The following RBFOX1 variants were observed in gnomAD, a reference collection of about 807,000 sequenced individuals.
RBFOX1 encodes the protein RNA binding protein fox-1 homolog 1.
In RBFOX1, 8 loss-of-function variants were observed where a neutral mutation model predicts 57.7. That is an observed-to-expected ratio of 0.14 (90% CI 0.08 to 0.25). The LOEUF (loss-of-function observed/expected upper bound fraction) is 0.25. RBFOX1 is among the 10% of genes least tolerant of loss of function. RBFOX1 has a pLI of 1.00. For synonymous variants in RBFOX1, 326 were observed against 222.4 expected, an observed-to-expected ratio of 1.47 and a Z score of -4.15; for missense variants, 611 against 548.5, an observed-to-expected ratio of 1.11 and a Z score of -1.14.
intron 4 of RBFOX1, among the ~76,000 whole-genome samples, chr16:7,502,075 A>G (rs1374088999): frequency 6.6e-6 from 1 of 151,884 alleles, no homozygotes; most frequent in Non-Finnish European, 1.5e-5. Flanking sequence ...AAGTCCGACT[A>G]TCATTCATTT....
At chr16:6,895,448 G>GTATATATATATATA (rs71147622) in intron 3 of RBFOX1, among the ~76,000 whole-genome samples, 2 of 54,626 alleles carry the variant, frequency 3.7e-5, no homozygotes, top group Admixed American at 2.1e-4. Context: ...GTGTGTGTGT[G>GTATATATATATATA]TATATATATA....
chr16:6,210,533 C>A (rs960382925), intron 1 of RBFOX1, among the ~76,000 whole-genome samples: 1 of 151,680 alleles, frequency 6.6e-6, no homozygotes. Context: ...AGTTTGAGAC[C>A]AGGCTGGGTA....
At chr16:6,227,442 A>C (rs1459787184) in intron 1 of RBFOX1, among the ~76,000 whole-genome samples, 1 of 152,172 alleles carries the variant, frequency 6.6e-6, no homozygotes, top group Non-Finnish European at 1.5e-5. Flanking sequence ...TAGAGCAAAA[A>C]CAAACAACAG....
intron 4 of RBFOX1, among the ~76,000 whole-genome samples, chr16:7,194,724 G>T (rs7206376): frequency 0.59 from 89,790 of 151,394 alleles, 26,737 homozygotes; most frequent in Middle Eastern, 0.64. Context: ...GCCCTGGAGT[G>T]CAAGACCAGC....
intron 1 of RBFOX1, among the ~76,000 whole-genome samples, chr16:5,413,938 C>T (rs974470426): frequency 1.3e-5 from 2 of 152,128 alleles, no homozygotes; most frequent in Admixed American, 6.6e-5. Flanking sequence ...AGGCGCCTTA[C>T]GGAATCAAAT....
chr16:6,940,675 G>A (rs1306059711), intron 3 of RBFOX1, among the ~76,000 whole-genome samples: 2 of 151,988 alleles, frequency 1.3e-5, no homozygotes, highest in African/African-American at 4.8e-5. Flanking sequence ...TCAGCTCACT[G>A]CAAGCTCCGC....
intron 4 of RBFOX1, among the ~76,000 whole-genome samples, chr16:5,981,236 A>G (rs564659765): frequency 5.3e-5 from 8 of 152,228 alleles, no homozygotes; most frequent in Non-Finnish European, 1.0e-4. Context: ...GTCAACAGGA[A>G]AGACAGGGAT....
At chr16:6,831,005 G>C (rs996095309) in intron 3 of RBFOX1, among the ~76,000 whole-genome samples, 1 of 152,072 alleles carries the variant, frequency 6.6e-6, no homozygotes, top group Non-Finnish European at 1.5e-5. Flanking sequence ...TAGAACCTTC[G>C]GATTTACCAT....
intron 3 of RBFOX1, among the ~76,000 whole-genome samples, chr16:6,712,304 C>T (rs1156641421): frequency 1.3e-5 from 2 of 152,152 alleles, no homozygotes; most frequent in African/African-American, 4.8e-5. Context: ...CTTCTGTCAT[C>T]TGGGTCTGCC....
chr16:7,415,725 C>G lies in RBFOX1; in HGVS notation c.28-102422C>G, dbSNP rs150264593. ...GAAGGCAAGAAAAGGGCTACCATTT[C>G]TTCTCTACCCAGCAATGGTTACGTT... On this transcript the variant is annotated intron_variant, in intron 4 of 15. Coordinates refer to ENST00000550418, the MANE Select transcript of RBFOX1 (RefSeq NM_018723.4). 3.5e-3 allele frequency among the ~76,000 whole-genome samples: 534 copies of G among 152,306 alleles called. 11 individuals are homozygous for G. Among genetic ancestry groups the G allele is most frequent in the South Asian group, 0.03 (147 of 4,824 alleles).
chr16:5,656,275 A>G (rs1364011441), intron 3 of RBFOX1, among the ~76,000 whole-genome samples: 2 of 152,166 alleles, frequency 1.3e-5, no homozygotes, highest in Non-Finnish European at 2.9e-5. Context: ...GTCTTTCAGG[A>G]TGAAAAAAGT....
intron 3 of RBFOX1, among the ~76,000 whole-genome samples, chr16:6,807,473 G>T (rs185792255): frequency 2.0e-5 from 3 of 152,068 alleles, no homozygotes; most frequent in Non-Finnish European, 4.4e-5. Flanking sequence ...CAGGGCTGGG[G>T]TCCTGAGTTC....
chr16:7,386,219 A>G (rs1040567554), intron 4 of RBFOX1, among the ~76,000 whole-genome samples: 1 of 152,078 alleles, frequency 6.6e-6, no homozygotes, highest in African/African-American at 2.4e-5. Context: ...TTTCCTTCTC[A>G]CTAAAGTGCT....
At chr16:7,390,683 A>G (rs112321093) in intron 4 of RBFOX1, among the ~76,000 whole-genome samples, 2,051 of 152,322 alleles carry the variant, frequency 0.013, 45 homozygotes, top group African/African-American at 0.047. Context: ...GATGAAAAGA[A>G]TCAATATGCT....
chr16:6,855,515 C>T (rs1178181431), intron 3 of RBFOX1, among the ~76,000 whole-genome samples: 1 of 151,690 alleles, frequency 6.6e-6, no homozygotes, highest in Non-Finnish European at 1.5e-5. Flanking sequence ...TAGCTGGGGG[C>T]GATGGCAGGT....
chr16:7,311,784 G>A (rs1193748369), intron 4 of RBFOX1, among the ~76,000 whole-genome samples: 1 of 152,146 alleles, frequency 6.6e-6, no homozygotes, highest in Admixed American at 6.5e-5. Context: ...TTGGTATCAT[G>A]GTATCAGCCT....
intron 4 of RBFOX1, among the ~76,000 whole-genome samples, chr16:6,006,202 C>G (rs1022760282): frequency 5.9e-5 from 9 of 152,186 alleles, no homozygotes; most frequent in African/African-American, 2.2e-4. Flanking sequence ...CACCTCTCCT[C>G]CCTTCTCAGA....
intron 2 of RBFOX1, among the ~76,000 whole-genome samples, chr16:5,591,181 C>G (rs1181756628): frequency 6.6e-6 from 1 of 151,664 alleles, no homozygotes; most frequent in Non-Finnish European, 1.5e-5. Context: ...GCCCAGTGTA[C>G]AAAATTCAAG....
At chr16:5,753,843 A>T (rs1220661580) in intron 3 of RBFOX1, among the ~76,000 whole-genome samples, 1 of 151,814 alleles carries the variant, frequency 6.6e-6, no homozygotes, top group East Asian at 1.9e-4. Context: ...TGTTGAGGAT[A>T]TAGAGTTTTC....
Sources: allele counts gnomAD v4.1 joint callset (sites outside exome capture counted in the v4.1 genomes callset), GRCh38; gene constraint gnomAD v4.1.1; transcripts MANE v1.5; gene names NCBI Gene and HGNC (gene_info 2026-07-23, HGNC 2026-07-21).